EYA3: variants seen among roughly 807,000 people sequenced by gnomAD.
EYA3 encodes the protein protein phosphatase EYA3.
A neutral mutation model predicts 80.0 loss-of-function variants in EYA3; 39 were observed. That is an observed-to-expected ratio of 0.49 (90% CI 0.38 to 0.64). EYA3 has a LOEUF of 0.64. EYA3 is among the 30% of genes least tolerant of loss of function. The pLI is 0.00. For missense variants in EYA3, 523 were observed against 676.1 expected (o/e 0.77, Z 2.51); for synonymous variants, 206 against 232.8 (o/e 0.88, Z 1.05).
chr1:28,086,702 G>A (rs1477554780), intron 1 of EYA3, among the ~76,000 whole-genome samples: 2 of 152,190 alleles, frequency 1.3e-5, no homozygotes, highest in African/African-American at 4.8e-5. Context: ...AGGTAAGGAA[G>A]CAGCTGGAGT....
At chr1:28,055,955 T>A (rs931542806) in intron 2 of EYA3, among the ~76,000 whole-genome samples, 2 of 152,062 alleles carry the variant, frequency 1.3e-5, no homozygotes, top group Non-Finnish European at 2.9e-5. Flanking sequence ...GACCATTCTT[T>A]CCACTCATAT....
intron 16 of EYA3, among the ~76,000 whole-genome samples, chr1:27,986,109 T>C (rs1191091278): frequency 1.3e-5 from 2 of 152,030 alleles, no homozygotes; most frequent in Non-Finnish European, 2.9e-5. Context: ...CTCATGCCTG[T>C]AATCCCAGCA....
At position 27,977,128 on chromosome 1, in the gene EYA3, T is replaced by C. The variant is rs150271549; in HGVS notation, c.1641+1246A>G. The C allele has an allele frequency of 6.8e-4, 956 of 1,405,498 alleles. 3 individuals are homozygous for C. The Middle Eastern group carries it at 0.015, about 22-fold the overall frequency. 87.1% of individuals were successfully genotyped at this position (1,405,498 alleles called of 1,614,324 possible). On this transcript the variant is annotated intron_variant, in intron 17 of 17. Transcript: ENST00000373871. ...CCTTCTTCAGACCAGGAAACATTGATGCCTACACCCACTAGTGTCTTTCCC... is the reference window on the plus strand; with the variant it reads ...CCTTCTTCAGACCAGGAAACATTGACGCCTACACCCACTAGTGTCTTTCCC...
rs376569611 is a variant in EYA3, at chr1:28,026,574, C to T, written c.499+1215G>A. ...TGAAGGCTGCAGTGAGCCATGATCGCGCCACTGCATTCCAGCTGGGCAACA... is the reference window on the plus strand; with the variant it reads ...TGAAGGCTGCAGTGAGCCATGATCGTGCCACTGCATTCCAGCTGGGCAACA... On this transcript the variant is annotated intron_variant, in intron 7 of 17. Coordinates refer to ENST00000373871, the MANE Select transcript of EYA3 (RefSeq NM_001990.4). Among the ~76,000 whole-genome samples the T allele has an allele frequency of 2.4e-4, 37 of 152,160 alleles. No homozygotes were observed. In the South Asian group the frequency reaches 7.5e-3, roughly 31 times the overall value.
intron 13 of EYA3, among the ~76,000 whole-genome samples, chr1:27,996,753 A>G (rs765525261): frequency 1.2e-4 from 19 of 152,250 alleles, no homozygotes; most frequent in African/African-American, 4.1e-4. Context: ...TTTTTTTCTT[A>G]TAAGTCTTTA....
intron 7 of EYA3, among the ~76,000 whole-genome samples, chr1:28,019,356 T>C (rs990293809): frequency 2.0e-5 from 3 of 152,184 alleles, no homozygotes; most frequent in Admixed American, 2.0e-4. Flanking sequence ...TTTCAACCAA[T>C]ATTCACCTTC....
intron 5 of EYA3, among the ~76,000 whole-genome samples, chr1:28,036,899 A>G (rs1643487359): frequency 1.3e-5 from 2 of 152,156 alleles, no homozygotes; most frequent in South Asian, 4.1e-4. Flanking sequence ...AAGGCCATAA[A>G]GAAGTGATAT....
chr1:28,018,324 T>C (rs756523045), intron 7 of EYA3, among the ~76,000 whole-genome samples: 113 of 152,358 alleles, frequency 7.4e-4, no homozygotes, highest in Non-Finnish European at 1.3e-3. Flanking sequence ...TTCATTCTAC[T>C]AGGGTTTTAA....
chr1:27,982,165 C>A (rs57127818), intron 16 of EYA3, among the ~76,000 whole-genome samples: 35,385 of 151,974 alleles, frequency 0.23, 4,322 homozygotes, highest in Non-Finnish European at 0.27. Flanking sequence ...CGCCACCATG[C>A]CCAGCTAATT....
chr1:27,987,058 C>T (rs542639640), intron 16 of EYA3, among the ~76,000 whole-genome samples: 1 of 152,262 alleles, frequency 6.6e-6, no homozygotes, highest in Non-Finnish European at 1.5e-5. Flanking sequence ...TAACAGATGT[C>T]TGGAACCTTT....
chr1:28,038,924 C>A lies in EYA3; in HGVS notation c.158-19G>T. 1 of 1,565,326 alleles carries A rather than the reference C, an allele frequency of 6.4e-7. No individual in the cohort carries two copies. The highest frequency in any genetic ancestry group is 8.7e-7 in the Non-Finnish European group (1 of 1,144,514). Reference sequence around the variant, plus strand: ...GTCATAACTGAAAGAAAGATAATATCACCAGGTTAAAAAGTTAGAACATTT... The same window carrying A: ...GTCATAACTGAAAGAAAGATAATATAACCAGGTTAAAAAGTTAGAACATTT... On this transcript the variant is annotated intron_variant, in intron 4 of 17. Transcript: ENST00000373871.
rs1399552130 is a variant in EYA3, at chr1:27,991,397, A to G, written c.1304-1586T>C. On this transcript the variant is annotated intron_variant, in intron 14 of 17. Transcript: ENST00000373871. The stretch of plus-strand genomic sequence containing the variant: ...TTCTGAAACAACTCCAACTGATAAG[A>G]CACTAAAACACTACCCAAGACTAGA... Among the ~76,000 whole-genome samples the G allele has an allele frequency of 2.6e-5, 4 of 152,210 alleles. No homozygotes were observed. The East Asian group carries it at 7.7e-4, about 29-fold the overall frequency.
In EYA3 at chr1:28,029,814, C is replaced by G. The variant is rs559202367; in HGVS notation, c.362-1888G>C. 2.6e-3 allele frequency among the ~76,000 whole-genome samples: 398 copies of G among 151,998 alleles called. 1 individual carries two copies. The highest frequency in any genetic ancestry group is 8.8e-3 in the African/African-American group (365 of 41,460). On this transcript the variant is annotated intron_variant, in intron 6 of 17. Transcript: ENST00000373871. ...TTCACTATGTTGGTCAGGCTGGTCTCGAACTCCTGACCTCAGGAGTTCCAC... is the reference window on the plus strand; with the variant it reads ...TTCACTATGTTGGTCAGGCTGGTCTGGAACTCCTGACCTCAGGAGTTCCAC...
intron 16 of EYA3, 80 bp from the exon 17 acceptor site, chr1:27,978,554 AC>A: frequency 8.3e-7 from 1 of 1,197,654 alleles, no homozygotes; most frequent in Non-Finnish European, 1.2e-6. Context: ...TGCTAGGTTC[AC>A]CTGCCTGTGC....
Position 28,021,262 on chromosome 1 carries a change from C to A in EYA3, c.500-4023G>T, listed in dbSNP as rs904499247. On this transcript the variant is annotated intron_variant, in intron 7 of 17. Coordinates refer to ENST00000373871, the MANE Select transcript of EYA3 (RefSeq NM_001990.4). ...TATTGTTCTCTCTGCCTAGACTGTT[C>A]TCTCCAACCCCCTTGCCTTCCCAGC... Among the ~76,000 whole-genome samples, 5 of 152,172 alleles carry A rather than the reference C, an allele frequency of 3.3e-5. No individual in the cohort carries two copies. In the East Asian group the frequency reaches 9.6e-4, roughly 29 times the overall value.
chr1:28,006,295 C>A (rs1641268377), intron 10 of EYA3, among the ~76,000 whole-genome samples: 1 of 152,098 alleles, frequency 6.6e-6, no homozygotes, highest in Non-Finnish European at 1.5e-5. Flanking sequence ...ATAATCTCAA[C>A]TGATGCAGAA....
intron 17 of EYA3, chr1:27,977,393 G>C (rs1264351378): frequency 1.9e-6 from 3 of 1,549,872 alleles, no homozygotes; most frequent in Non-Finnish European, 2.6e-6. Context: ...AGAGTTGCTG[G>C]AAGAAAATAA....
chr1:27,978,527 C>A, intron 16 of EYA3, 53 bp from the exon 17 acceptor site: 1 of 1,476,976 alleles, frequency 6.8e-7, no homozygotes, highest in Non-Finnish European at 9.5e-7. Context: ...CTTTTCAAAA[C>A]CAAAGAAGAG....
At chr1:28,035,090 C>T (rs1244860236) in intron 6 of EYA3, among the ~76,000 whole-genome samples, 1 of 152,002 alleles carries the variant, frequency 6.6e-6, no homozygotes, top group Non-Finnish European at 1.5e-5. Context: ...TTCAGCAGAA[C>T]AATATCTGAT....
Sources: gnomAD v4.1 joint callset for allele counts (sites outside exome capture counted in the v4.1 genomes callset) on GRCh38, gnomAD v4.1.1 for gene constraint, MANE v1.5 for transcripts, NCBI Gene and HGNC (gene_info 2026-07-23, HGNC 2026-07-21) for gene names.